TAFA2: variants seen among roughly 807,000 people sequenced by gnomAD.
TAFA2 encodes TAFA chemokine like family member 2.
A neutral mutation model predicts 18.8 loss-of-function variants in TAFA2; 7 were observed. The observed-to-expected ratio is 0.37, with a 90% CI of 0.21 to 0.70. The LOEUF (loss-of-function observed/expected upper bound fraction) is 0.70. Among genes scored for constraint, TAFA2 ranks in the 30% least tolerant of loss-of-function variants. TAFA2 has a pLI of 0.53. For missense variants in TAFA2, 122 were observed against 158.1 expected, an observed-to-expected ratio of 0.77 and a Z score of 1.23; for synonymous variants, 60 against 54.2, an observed-to-expected ratio of 1.11 and a Z score of -0.47.
intron 1 of TAFA2, among the ~76,000 whole-genome samples, chr12:62,001,993 AT>A (rs1353267710): frequency 2.6e-5 from 4 of 152,128 alleles, no homozygotes; most frequent in Non-Finnish European, 5.9e-5. Flanking sequence ...CAAAAGCCAG[AT>A]GGTTTGATCA....
At chr12:62,229,295 A>G (rs1248002094) in intron 1 of TAFA2, among the ~76,000 whole-genome samples, 4 of 152,046 alleles carry the variant, frequency 2.6e-5, no homozygotes, top group South Asian at 2.1e-4. Flanking sequence ...GTCTTTTTCC[A>G]GATCTAAAAG....
intron 4 of TAFA2, among the ~76,000 whole-genome samples, chr12:61,746,835 C>G (rs1216618652): frequency 6.6e-6 from 1 of 152,036 alleles, no homozygotes; most frequent in East Asian, 1.9e-4. Flanking sequence ...TTTTTGAATA[C>G]AGCATACATA....
At chr12:61,923,283 C>G (rs974893285) in intron 1 of TAFA2, among the ~76,000 whole-genome samples, 1 of 152,194 alleles carries the variant, frequency 6.6e-6, no homozygotes, top group Admixed American at 6.5e-5. Context: ...GATCCCCATA[C>G]TTCCTGACTG....
chr12:62,233,626 G>C (rs1198780401), intron 1 of TAFA2, among the ~76,000 whole-genome samples: 1 of 152,196 alleles, frequency 6.6e-6, no homozygotes, highest in Non-Finnish European at 1.5e-5. Flanking sequence ...GGGGAACAGA[G>C]ACCAGCCCTG....
At chr12:62,229,485 T>G (rs2062802812) in intron 1 of TAFA2, among the ~76,000 whole-genome samples, 1 of 152,152 alleles carries the variant, frequency 6.6e-6, no homozygotes, top group Non-Finnish European at 1.5e-5. Flanking sequence ...ATATGGTTTT[T>G]GTTCTTGATT....
intron 4 of TAFA2, among the ~76,000 whole-genome samples, chr12:61,745,857 C>T (rs1868681183): frequency 1.3e-5 from 2 of 151,912 alleles, no homozygotes; most frequent in South Asian, 4.2e-4. Context: ...GCCAAAAGAG[C>T]CCACAAGAGA....
In TAFA2 at chr12:61,881,007, T is replaced by A. The variant is rs1396656988; in HGVS notation, c.-1-13581A>T. On this transcript the variant is annotated intron_variant, in intron 1 of 4. Coordinates refer to ENST00000416284, the MANE Select transcript of TAFA2 (RefSeq NM_178539.5). ...TAAACCCTCAGCTAGCTCTGCCAACTATCAAAAAGAAAAAAGAGTTTGATA... is the reference window on the plus strand; with the variant it reads ...TAAACCCTCAGCTAGCTCTGCCAACAATCAAAAAGAAAAAAGAGTTTGATA... 4.6e-5 allele frequency among the ~76,000 whole-genome samples: 7 copies of A among 152,088 alleles called. No homozygotes were observed. The South Asian group carries it at 1.5e-3, about 32-fold the overall frequency.
intron 1 of TAFA2, among the ~76,000 whole-genome samples, chr12:61,934,648 A>C (rs1444264300): frequency 6.6e-6 from 1 of 152,214 alleles, no homozygotes. Context: ...CAACTTCTCC[A>C]GATGTTTCTC....
chr12:61,821,781 C>T (rs1001028412), intron 2 of TAFA2, among the ~76,000 whole-genome samples: 2 of 152,056 alleles, frequency 1.3e-5, no homozygotes, highest in African/African-American at 4.8e-5. Context: ...TGCCTCAAAA[C>T]TTGTTCCAAA....
intron 1 of TAFA2, among the ~76,000 whole-genome samples, chr12:61,997,575 A>T (rs1880239982): frequency 6.6e-6 from 1 of 152,204 alleles, no homozygotes; most frequent in Non-Finnish European, 1.5e-5. Context: ...GGAGGTGGTG[A>T]CAAAATTGGA....
At chr12:61,740,248 C>T (rs1247862534) in intron 4 of TAFA2, among the ~76,000 whole-genome samples, 1 of 151,978 alleles carries the variant, frequency 6.6e-6, no homozygotes, top group African/African-American at 2.4e-5. Flanking sequence ...CAAAACACCA[C>T]ATGTTCTCAC....
At chr12:62,072,809 C>G (rs182399518) in intron 1 of TAFA2, among the ~76,000 whole-genome samples, 2 of 152,080 alleles carry the variant, frequency 1.3e-5, no homozygotes, top group East Asian at 3.9e-4. Flanking sequence ...ATAATCCATT[C>G]CAAAGATCAA....
intron 2 of TAFA2, among the ~76,000 whole-genome samples, chr12:61,837,009 C>A (rs1207225436): frequency 6.6e-6 from 1 of 150,732 alleles, no homozygotes; most frequent in East Asian, 1.9e-4. Flanking sequence ...TTTAAGTGAC[C>A]AAAGTTTTTA....
intron 2 of TAFA2, among the ~76,000 whole-genome samples, chr12:61,831,246 G>GC (rs1198280585): frequency 2.0e-5 from 3 of 151,950 alleles, no homozygotes; most frequent in African/African-American, 7.2e-5. Context: ...CTTCCTTGGT[G>GC]CCTATGCCTT....
intron 1 of TAFA2, chr12:62,252,920 C>T (rs1789499214): frequency 6.6e-6 from 1 of 152,148 alleles, no homozygotes; most frequent in Admixed American, 6.6e-5. Context: ...AAATCCATAC[C>T]TGAAATATGT....
At chr12:62,130,999 A>G (rs955773666) in intron 1 of TAFA2, among the ~76,000 whole-genome samples, 1 of 152,006 alleles carries the variant, frequency 6.6e-6, no homozygotes, top group East Asian at 1.9e-4. Context: ...TACTGATTAC[A>G]ATGTTGATGC....
intron 1 of TAFA2, among the ~76,000 whole-genome samples, chr12:62,138,588 T>C (rs536418726): frequency 7.9e-5 from 12 of 152,322 alleles, no homozygotes; most frequent in African/African-American, 2.2e-4. Context: ...CAAGTCTTAA[T>C]TGACAGACCA....
intron 2 of TAFA2, among the ~76,000 whole-genome samples, chr12:61,759,668 T>C (rs1009818677): frequency 2.1e-4 from 32 of 152,184 alleles, no homozygotes; most frequent in East Asian, 1.9e-4. Flanking sequence ...CTCAGATTGT[T>C]CAGGAGGGTA....
At chr12:61,860,206 G>A (rs535408251) in intron 2 of TAFA2, among the ~76,000 whole-genome samples, 2 of 152,272 alleles carry the variant, frequency 1.3e-5, no homozygotes, top group South Asian at 2.1e-4. Context: ...AAAATTATGG[G>A]TAACTTGATT....
Sources: allele counts gnomAD v4.1 joint callset (sites outside exome capture counted in the v4.1 genomes callset), GRCh38; gene constraint gnomAD v4.1.1; transcripts MANE v1.5; gene names NCBI Gene and HGNC (gene_info 2026-07-23, HGNC 2026-07-21).